Variants in BACE2 observed in about 807,000 individuals in gnomAD.
BACE2 encodes the protein beta-secretase 2, also known as 56 kDa aspartic-like protease.
In BACE2, 17 loss-of-function variants were observed where a neutral mutation model predicts 46.2. That is an observed-to-expected ratio of 0.37 (90% CI 0.25 to 0.55). The LOEUF is 0.55. Ranked by LOEUF, BACE2 falls within the 20% of genes least tolerant of loss-of-function variation. The pLI is 0.82. For synonymous variants in BACE2, 277 were observed against 295.9 expected (o/e 0.94, Z 0.66); for missense variants, 595 against 698.1 (o/e 0.85, Z 1.66).
chr21:41,231,163 T>G (rs1288300022), intron 2 of BACE2, among the ~76,000 whole-genome samples: 2 of 152,230 alleles, frequency 1.3e-5, no homozygotes, highest in Non-Finnish European at 2.9e-5. Flanking sequence ...TTGAGATCAT[T>G]TCTCAAGCAT....
intron 1 of BACE2, among the ~76,000 whole-genome samples, chr21:41,198,112 C>A (rs1161189125): frequency 6.6e-6 from 1 of 152,088 alleles, no homozygotes; most frequent in African/African-American, 2.4e-5. Flanking sequence ...GTGCCTCAGC[C>A]CCCCAAGTAG....
chr21:41,233,005 A>G (rs1443045062), intron 2 of BACE2, among the ~76,000 whole-genome samples: 1 of 151,652 alleles, frequency 6.6e-6, no homozygotes, highest in East Asian at 1.9e-4. Flanking sequence ...AGTAGCTGGG[A>G]CTACAGGCGC....
intron 1 of BACE2, among the ~76,000 whole-genome samples, chr21:41,194,650 G>T (rs1985679836): frequency 6.6e-6 from 1 of 152,206 alleles, no homozygotes; most frequent in Non-Finnish European, 1.5e-5. Context: ...GAACAGCAGT[G>T]ATGCTGTCGC....
chr21:41,238,860 G>A lies in BACE2; in HGVS notation c.618+1131G>A, dbSNP rs553376824. On this transcript the variant is annotated intron_variant, in intron 3 of 8. Transcript: ENST00000330333. ...GGAGATATACCTAATGCTAGATGACGAGTTAGTGGGCGCAGCGCACCAGCA... is the reference window on the plus strand; with the variant it reads ...GGAGATATACCTAATGCTAGATGACAAGTTAGTGGGCGCAGCGCACCAGCA... Among the ~76,000 whole-genome samples the A allele has an allele frequency of 1.3e-4, 19 of 145,660 alleles. No homozygotes were observed. The South Asian group carries it at 3.4e-3, about 26-fold the overall frequency.
chr21:41,243,261 A>C, intron 4 of BACE2, 115 bp from the exon 5 acceptor site: 1 of 842,664 alleles, frequency 1.2e-6, no homozygotes, highest in Non-Finnish European at 1.7e-6. Flanking sequence ...ATTGTCACGA[A>C]GTAGAAGCCC....
chr21:41,210,035 T>C (rs960726101), intron 1 of BACE2, among the ~76,000 whole-genome samples: 2 of 151,946 alleles, frequency 1.3e-5, no homozygotes, highest in African/African-American at 4.8e-5. Context: ...GGAACGAGGT[T>C]TCAGCTGCAG....
chr21:41,192,852 G>C lies in BACE2; in HGVS notation c.312+24277G>C, dbSNP rs1034501428. On this transcript the variant is annotated intron_variant, in intron 1 of 8. Transcript: ENST00000330333. ...AGGAATGTGTTCCCTCCGAAATCCA[G>C]ATAGGCATTGTGCTCTTTCTTGGTT... is the stretch of plus-strand genomic sequence containing the variant. 3.9e-5 allele frequency among the ~76,000 whole-genome samples: 6 copies of C among 152,202 alleles called. No homozygotes were observed. In the South Asian group the frequency reaches 1.2e-3, roughly 31 times the overall value.
At chr21:41,199,781 C>G in intron 1 of BACE2, among the ~76,000 whole-genome samples, 1 of 152,170 alleles carries the variant, frequency 6.6e-6, no homozygotes, top group Non-Finnish European at 1.5e-5. Flanking sequence ...GGTGTGTGCC[C>G]TGCCCCTCAG....
chr21:41,250,184 A>G (rs1427928301), intron 6 of BACE2, among the ~76,000 whole-genome samples: 1 of 152,124 alleles, frequency 6.6e-6, no homozygotes, highest in Admixed American at 6.5e-5. Flanking sequence ...GTGTTACAAG[A>G]AGAAGCCAGG....
intron 5 of BACE2, among the ~76,000 whole-genome samples, chr21:41,244,972 C>G (rs531533506): frequency 6.6e-6 from 1 of 151,672 alleles, no homozygotes; most frequent in Non-Finnish European, 1.5e-5. Flanking sequence ...TTCCTGCCCA[C>G]CCCATATGCA....
At chr21:41,213,792 CT>C (rs1340856502) in intron 1 of BACE2, among the ~76,000 whole-genome samples, 1 of 151,852 alleles carries the variant, frequency 6.6e-6, no homozygotes, top group African/African-American at 2.4e-5. Context: ...AAAGAGTAAG[CT>C]TTGTCTGGGC....
chr21:41,250,676 C>A, intron 6 of BACE2, 76 bp from the exon 7 acceptor site: 1 of 1,425,210 alleles, frequency 7.0e-7, no homozygotes. Context: ...GGCGAGGTGG[C>A]TAGGAAAGCC....
intron 1 of BACE2, among the ~76,000 whole-genome samples, chr21:41,189,406 T>A (rs969879005): frequency 1.3e-5 from 2 of 152,236 alleles, no homozygotes; most frequent in Admixed American, 1.3e-4. Context: ...CACATTTTAG[T>A]TTTCAGGATC....
chr21:41,207,689 C>G (rs1450720689), intron 1 of BACE2, among the ~76,000 whole-genome samples: 1 of 152,156 alleles, frequency 6.6e-6, no homozygotes, highest in African/African-American at 2.4e-5. Context: ...ATCCAGCTCA[C>G]CTGTCACTGA....
At chr21:41,251,333 A>G (rs549904456) in intron 7 of BACE2, among the ~76,000 whole-genome samples, 1 of 152,298 alleles carries the variant, frequency 6.6e-6, no homozygotes, top group African/African-American at 2.4e-5. Context: ...TGCTGCCCAA[A>G]CAAGCCCAAG....
rs1322769960 is a variant in BACE2, at chr21:41,277,446, A to C, written c.*1822A>C. ...TGTCACATCCGCTCTCAGCTTGTTG[A>C]AAACTCATAATCTCAGAATGCATTT... On this transcript the variant is annotated 3_prime_UTR_variant, in exon 9 of 9. Coordinates refer to ENST00000330333, the MANE Select transcript of BACE2 (RefSeq NM_012105.5). 6.6e-6 allele frequency: 1 copy of C among 152,146 alleles called. No homozygotes were observed. The highest frequency in any genetic ancestry group is 1.9e-4 in the East Asian group (1 of 5,174). 9.4% of individuals were successfully genotyped at this position (152,146 alleles called of 1,614,324 possible).
At chr21:41,172,641 T>A (rs1984647035) in intron 1 of BACE2, among the ~76,000 whole-genome samples, 1 of 152,160 alleles carries the variant, frequency 6.6e-6, no homozygotes, top group African/African-American at 2.4e-5. Flanking sequence ...AAGAACCATC[T>A]TCATGCTTCT....
At chr21:41,211,857 T>C (rs1030837433) in intron 1 of BACE2, among the ~76,000 whole-genome samples, 2 of 152,242 alleles carry the variant, frequency 1.3e-5, no homozygotes, top group Non-Finnish European at 2.9e-5. Flanking sequence ...TTGCAGCAAT[T>C]AGCAAATGGC....
intron 1 of BACE2, among the ~76,000 whole-genome samples, chr21:41,221,858 G>A (rs1711070453): frequency 1.3e-5 from 2 of 149,612 alleles, no homozygotes; most frequent in Non-Finnish European, 3.0e-5. Flanking sequence ...AAAAGTGTCA[G>A]TGTCTACTGT....
Sources: allele counts gnomAD v4.1 joint callset (sites outside exome capture counted in the v4.1 genomes callset), GRCh38; gene constraint gnomAD v4.1.1; transcripts MANE v1.5; gene names NCBI Gene and HGNC (gene_info 2026-07-23, HGNC 2026-07-21).